SAMD12: variants seen among roughly 807,000 people sequenced by gnomAD.
The protein encoded by SAMD12 is sterile alpha motif domain containing 12.
A neutral mutation model predicts 15.0 loss-of-function variants in SAMD12; 9 were observed. The observed-to-expected ratio is 0.60, with a 90% confidence interval of 0.36 to 1.05. The LOEUF is 1.05. Ranked by LOEUF, SAMD12 falls within the 50% of genes least tolerant of loss-of-function variation. SAMD12 has a pLI of 0.01. For synonymous variants in SAMD12, 86 were observed against 90.1 expected (o/e 0.96, Z 0.25); for missense variants, 230 against 234.2 (o/e 0.98, Z 0.12).
intron 4 of SAMD12, among the ~76,000 whole-genome samples, chr8:118,327,729 T>C (rs1244745360): frequency 6.6e-6 from 1 of 152,190 alleles, no homozygotes; most frequent in Non-Finnish European, 1.5e-5. Flanking sequence ...CTGTGGCCCT[T>C]TGAAGATCTT....
chr8:118,173,263 G>A, the SAMD12 span, among the ~76,000 whole-genome samples: 7 of 152,204 alleles, frequency 4.6e-5, no homozygotes, highest in Middle Eastern at 3.4e-3. Context: ...AGCTTACAAC[G>A]TGTTAGGTGT....
intron 4 of SAMD12, among the ~76,000 whole-genome samples, chr8:118,350,763 A>G (rs996670419): frequency 1.3e-5 from 2 of 152,218 alleles, no homozygotes; most frequent in Non-Finnish European, 2.9e-5. Context: ...GGTTGCTTCA[A>G]AACAGATATT....
chr8:118,485,142 G>C (rs1824241040), intron 2 of SAMD12, among the ~76,000 whole-genome samples: 1 of 152,112 alleles, frequency 6.6e-6, no homozygotes, highest in African/African-American at 2.4e-5. Flanking sequence ...GTTATCCTAT[G>C]ACACAGGATC....
chr8:118,411,952 C>T (rs1253326174), intron 3 of SAMD12, among the ~76,000 whole-genome samples: 1 of 152,094 alleles, frequency 6.6e-6, no homozygotes, highest in African/African-American at 2.4e-5. Flanking sequence ...TGTGTATGTC[C>T]AGTGATCTAA....
At chr8:118,330,241 G>A (rs554060718) in intron 4 of SAMD12, among the ~76,000 whole-genome samples, 14 of 152,212 alleles carry the variant, frequency 9.2e-5, no homozygotes, top group Non-Finnish European at 1.8e-4. Context: ...AGAAGATATG[G>A]AGACACAGGC....
In SAMD12 at chr8:118,275,111, C is replaced by T. The variant is rs1813441764; in HGVS notation, c.434-77379G>A. Among the ~76,000 whole-genome samples the T allele has an allele frequency of 2.6e-5, 4 of 152,106 alleles. No homozygotes were observed. The South Asian group carries it at 8.3e-4, about 32-fold the overall frequency. On this transcript the variant is annotated intron_variant, in intron 4 of 4. Transcript: ENST00000409003. ...TTGCTCTATGTCTATTGTAGACATA[C>T]TTTATCAGGTTAAGGAAGTTCCAAT...
At chr8:118,554,013 C>G (rs1199508373) in intron 2 of SAMD12, among the ~76,000 whole-genome samples, 2 of 152,172 alleles carry the variant, frequency 1.3e-5, no homozygotes, top group African/African-American at 4.8e-5. Flanking sequence ...GAATGGCAAT[C>G]ATTAAAAAGT....
intron 2 of SAMD12, among the ~76,000 whole-genome samples, chr8:118,508,376 A>G (rs759088941): frequency 6.6e-6 from 1 of 152,216 alleles, no homozygotes; most frequent in Non-Finnish European, 1.5e-5. Flanking sequence ...AGCTTAAAGT[A>G]TAAGAAAAAA....
exon 5 of SAMD12, chr8:118,192,693 GAA>G (rs1819442131): frequency 6.6e-6 from 1 of 152,148 alleles, no homozygotes; most frequent in Admixed American, 6.5e-5. Flanking sequence ...AAGAATTTAT[GAA>G]AATTGAAAAG....
chr8:118,313,941 G>T (rs1586501080), intron 4 of SAMD12, among the ~76,000 whole-genome samples: 2 of 151,806 alleles, frequency 1.3e-5, no homozygotes, highest in African/African-American at 4.8e-5. Flanking sequence ...GGGATCTCAT[G>T]CTGATGAATA....
chr8:118,573,606 A>G (rs1009909237), intron 2 of SAMD12, among the ~76,000 whole-genome samples: 1 of 152,188 alleles, frequency 6.6e-6, no homozygotes, highest in Admixed American at 6.5e-5. Flanking sequence ...ACTTTTGAAG[A>G]GTGAAGGGTA....
At chr8:118,162,813 C>A in the SAMD12 span, among the ~76,000 whole-genome samples, 1 of 152,086 alleles carries the variant, frequency 6.6e-6, no homozygotes, top group South Asian at 2.1e-4. Context: ...CAGAATTGAG[C>A]ATAGCCACAA....
At chr8:118,535,806 A>G (rs1338367951) in intron 2 of SAMD12, among the ~76,000 whole-genome samples, 1 of 152,240 alleles carries the variant, frequency 6.6e-6, no homozygotes, top group African/African-American at 2.4e-5. Context: ...AAAGCGCAGT[A>G]TTAGGGTTGG....
At chr8:118,599,913 G>A (rs1430634166) in intron 1 of SAMD12, among the ~76,000 whole-genome samples, 1 of 152,134 alleles carries the variant, frequency 6.6e-6, no homozygotes, top group Non-Finnish European at 1.5e-5. Context: ...CAGCCCAGGC[G>A]ACTCAATTAG....
chr8:118,205,256 T>G (rs533136964), intron 4 of SAMD12, among the ~76,000 whole-genome samples: 2 of 152,366 alleles, frequency 1.3e-5, no homozygotes, highest in African/African-American at 4.8e-5. Flanking sequence ...AATAAGCCAA[T>G]TCCTTATAAT....
At chr8:118,292,812 A>G (rs1400875359) in intron 4 of SAMD12, among the ~76,000 whole-genome samples, 1 of 150,458 alleles carries the variant, frequency 6.6e-6, no homozygotes, top group African/African-American at 2.4e-5. Flanking sequence ...CAAAAAACCA[A>G]ACACCACATA....
chr8:118,361,676 C>T (rs959441631), intron 4 of SAMD12, among the ~76,000 whole-genome samples: 3 of 152,178 alleles, frequency 2.0e-5, no homozygotes, highest in African/African-American at 2.4e-5. Flanking sequence ...CACACACAGA[C>T]GCACGTGTGT....
chr8:118,327,454 G>A (rs1816618956), intron 4 of SAMD12, among the ~76,000 whole-genome samples: 1 of 152,074 alleles, frequency 6.6e-6, no homozygotes, highest in South Asian at 2.1e-4. Flanking sequence ...CCTATAAACA[G>A]GTGTCAATTA....
chr8:118,431,192 C>G (rs187196232), intron 3 of SAMD12, among the ~76,000 whole-genome samples: 17 of 152,262 alleles, frequency 1.1e-4, no homozygotes, highest in African/African-American at 3.9e-4. Flanking sequence ...TCCCTTGTGG[C>G]ATTGCTGTTA....
Sources: allele counts gnomAD v4.1 joint callset (sites outside exome capture counted in the v4.1 genomes callset), GRCh38; gene constraint gnomAD v4.1.1; transcripts MANE v1.5; gene names NCBI Gene and HGNC (gene_info 2026-07-23, HGNC 2026-07-21).